The following SH2D4A variants were observed in gnomAD, a reference collection of about 807,000 sequenced individuals.
SH2D4A encodes the protein SH2 domain containing 4A.
Under a neutral mutation model 64.7 loss-of-function variants are expected in SH2D4A, and 70 were observed. The ratio of observed to expected loss-of-function variants is 1.08; its 90% CI spans 0.89 to 1.32. The LOEUF (loss-of-function observed/expected upper bound fraction) is 1.32. SH2D4A is among the 40% of genes most tolerant of loss of function. The probability of loss-of-function intolerance (pLI) is 0.00; values close to 1 mark genes in which losing one functional copy is unlikely to be tolerated. For missense variants in SH2D4A, 706 were observed against 540.1 expected (o/e 1.31, Z -3.04); for synonymous variants, 268 against 200.7 (o/e 1.34, Z -2.83).
At chr8:19,394,521 T>TATC (rs2053553920) in intron 9 of SH2D4A, 29 bp from the exon 10 acceptor site, 1 of 1,519,774 alleles carries the variant, frequency 6.6e-7, no homozygotes, top group Non-Finnish European at 9.0e-7. Flanking sequence ...CTACTTACAC[T>TATC]ATCTGACCCC....
At chr8:19,332,365 G>C (rs2052375332) in intron 2 of SH2D4A, among the ~76,000 whole-genome samples, 1 of 152,166 alleles carries the variant, frequency 6.6e-6, no homozygotes, top group Non-Finnish European at 1.5e-5. Flanking sequence ...GCCAGGCGCA[G>C]TGACTCACAC....
chr8:19,336,027 C>T (rs145043565), intron 4 of SH2D4A, among the ~76,000 whole-genome samples: 1 of 152,282 alleles, frequency 6.6e-6, no homozygotes, highest in African/African-American at 2.4e-5. Flanking sequence ...CTCCTGCCTC[C>T]TCCTAGGACC....
rs560249447 is a variant in SH2D4A at position 19,327,952 on chromosome 8, G to A, written c.182-5003G>A. Among the ~76,000 whole-genome samples, 16 of 152,190 alleles carry A rather than the reference G, an allele frequency of 1.1e-4. No individual in the cohort carries two copies. The South Asian group carries it at 1.2e-3, about 12-fold the overall frequency. Reference sequence around the variant, plus strand: ...GCTTTCTCAGTCTATATCATCCTCCGCTTCATCTCAGCAGGGCTTGACACT... The same window carrying A: ...GCTTTCTCAGTCTATATCATCCTCCACTTCATCTCAGCAGGGCTTGACACT... On this transcript the variant is annotated intron_variant, in intron 2 of 9. Coordinates refer to ENST00000265807, the MANE Select transcript of SH2D4A (RefSeq NM_022071.4).
At chr8:19,341,851 A>C (rs1366151391) in intron 4 of SH2D4A, among the ~76,000 whole-genome samples, 2 of 151,932 alleles carry the variant, frequency 1.3e-5, no homozygotes, top group East Asian at 3.9e-4. Flanking sequence ...TAACAAAAAA[A>C]AAAAAAAAAA....
At chr8:19,318,543 G>A (rs1365205548) in intron 1 of SH2D4A, among the ~76,000 whole-genome samples, 4 of 152,198 alleles carry the variant, frequency 2.6e-5, no homozygotes, top group African/African-American at 4.8e-5. Context: ...GGAGCCATGC[G>A]GTAAAGTCAT....
intron 9 of SH2D4A, among the ~76,000 whole-genome samples, chr8:19,394,007 C>T (rs1318461816): frequency 7.5e-6 from 1 of 133,206 alleles, no homozygotes; most frequent in East Asian, 2.3e-4. Context: ...TCAGTGGGAG[C>T]CCCGAACTTG....
rs1304137635 is a variant in SH2D4A, at chr8:19,340,608, T to C, written c.513+5751T>C. ...TCTTTTCTTTCTTTCTTTCTTTTTTTTTTTTTTTTTTTTTTGAGACAGGGT... is the reference window on the plus strand; with the variant it reads ...TCTTTTCTTTCTTTCTTTCTTTTTTCTTTTTTTTTTTTTTTGAGACAGGGT... On this transcript the variant is annotated intron_variant, in intron 4 of 9. Transcript: ENST00000265807. Among the ~76,000 whole-genome samples the C allele has an allele frequency of 1.5e-3, 215 of 146,002 alleles. 4 individuals carry two copies. The highest frequency in any genetic ancestry group is 8.0e-4 in the Non-Finnish European group (53 of 66,274).
At chr8:19,346,867 ATG>A (rs2052621734) in intron 4 of SH2D4A, among the ~76,000 whole-genome samples, 1 of 152,170 alleles carries the variant, frequency 6.6e-6, no homozygotes, top group African/African-American at 2.4e-5. Flanking sequence ...TCTGGCAAGT[ATG>A]TAGAGCAATA....
chr8:19,388,901 A>C (rs1179807189), intron 8 of SH2D4A, among the ~76,000 whole-genome samples: 1 of 152,180 alleles, frequency 6.6e-6, no homozygotes, highest in Non-Finnish European at 1.5e-5. Flanking sequence ...GAAGTGGGGG[A>C]GGGCAGGACA....
chr8:19,391,877 G>A (rs2053499064), intron 8 of SH2D4A, among the ~76,000 whole-genome samples: 1 of 152,156 alleles, frequency 6.6e-6, no homozygotes, highest in Non-Finnish European at 1.5e-5. Context: ...TTATTGTTTT[G>A]TTTTCCTGAT....
At chr8:19,315,964 G>A (rs968427811) in intron 1 of SH2D4A, among the ~76,000 whole-genome samples, 5 of 152,202 alleles carry the variant, frequency 3.3e-5, no homozygotes, top group African/African-American at 9.6e-5. Context: ...CCAAGGAGGT[G>A]AGGTGACAGC....
rs765804462 is a variant in SH2D4A at position 19,391,196 on chromosome 8, G to A, written c.1049-2122G>A. On this transcript the variant is annotated intron_variant, in intron 8 of 9. Transcript: ENST00000265807. ...CAGTCCCCGCATGGGCTGGTACCTG[G>A]CGCCTTGTTTCAACGTATGGTTGTC... 3.3e-5 allele frequency among the ~76,000 whole-genome samples: 5 copies of A among 152,172 alleles called. No homozygotes were observed. The South Asian group carries it at 8.3e-4, about 25-fold the overall frequency.
rs1653734472 is a variant in SH2D4A at position 19,394,859 on chromosome 8, A to G, written c.*217A>G. On this transcript the variant is annotated 3_prime_UTR_variant, in exon 10 of 10. Transcript: ENST00000265807. ...AAATGACCTCTGCTCAAAAGGGAGAAGAGTCTCAATTTCAGCAAGTACCTG... is the reference window on the plus strand; with the variant it reads ...AAATGACCTCTGCTCAAAAGGGAGAGGAGTCTCAATTTCAGCAAGTACCTG... 2 of 385,898 alleles carry G rather than the reference A, an allele frequency of 5.2e-6. No individual in the cohort carries two copies. The highest frequency in any genetic ancestry group is 4.1e-5 in the African/African-American group (2 of 48,586). 23.9% of individuals were successfully genotyped at this position (385,898 alleles called of 1,614,324 possible). A position where few individuals can be genotyped will look rare whatever the true frequency, so the allele number is the denominator to read the frequency against.
intron 4 of SH2D4A, among the ~76,000 whole-genome samples, chr8:19,353,679 T>TG (rs1563198019): frequency 6.9e-6 from 1 of 145,630 alleles, no homozygotes; most frequent in Non-Finnish European, 1.5e-5. Flanking sequence ...TAGCTGTTTT[T>TG]TTTTTTTTTT....
chr8:19,391,096 C>A (rs1360080802), intron 8 of SH2D4A, among the ~76,000 whole-genome samples: 1 of 152,080 alleles, frequency 6.6e-6, no homozygotes, highest in Non-Finnish European at 1.5e-5. Context: ...CTGAAGGGGA[C>A]TTTTCAGGGT....
intron 8 of SH2D4A, among the ~76,000 whole-genome samples, chr8:19,389,691 T>C (rs1050184774): frequency 2.6e-5 from 4 of 152,022 alleles, no homozygotes; most frequent in Non-Finnish European, 4.4e-5. Context: ...AAGATATAGG[T>C]CACTAAACTG....
rs115560608 is a variant in SH2D4A, at chr8:19,340,950, T to C, written c.513+6093T>C. Among the ~76,000 whole-genome samples, 868 of 152,280 alleles carry C rather than the reference T, an allele frequency of 5.7e-3. 10 individuals carry two copies. The highest frequency in any genetic ancestry group is 0.02 in the African/African-American group (831 of 41,544). On this transcript the variant is annotated intron_variant, in intron 4 of 9. Coordinates refer to ENST00000265807, the MANE Select transcript of SH2D4A (RefSeq NM_022071.4). ...GTTCACAACACTTTTTCTCATGGAG[T>C]TAAGTCTTTTCACAATAATCCTGTG... is the stretch of plus-strand genomic sequence containing the variant.
intron 8 of SH2D4A, among the ~76,000 whole-genome samples, chr8:19,389,401 C>A (rs2153652295): frequency 6.6e-6 from 1 of 152,324 alleles, no homozygotes; most frequent in East Asian, 1.9e-4. Context: ...AAATGAATCA[C>A]AAGCCCTATT....
chr8:19,373,468 C>G (rs1359349907), intron 7 of SH2D4A, 62 bp from the exon 8 acceptor site: 2 of 1,090,056 alleles, frequency 1.8e-6, no homozygotes, highest in Non-Finnish European at 2.5e-6. Context: ...ATATATATGA[C>G]TTTTGAGGGC....
Sources: allele counts gnomAD v4.1 joint callset (sites outside exome capture counted in the v4.1 genomes callset), GRCh38; gene constraint gnomAD v4.1.1; transcripts MANE v1.5; gene names NCBI Gene and HGNC (gene_info 2026-07-23, HGNC 2026-07-21).